Variants in ZRANB3 observed in about 807,000 individuals in gnomAD.
ZRANB3 encodes the protein DNA annealing helicase and endonuclease ZRANB3.
A neutral mutation model predicts 133.8 loss-of-function variants in ZRANB3; 125 were observed. The observed-to-expected ratio is 0.93, with a 90% CI of 0.81 to 1.08. ZRANB3 has a LOEUF of 1.08. Among genes scored for constraint, ZRANB3 ranks in the 50% least tolerant of loss-of-function variants. The pLI is 0.00. For synonymous variants in ZRANB3, 387 were observed against 432.7 expected, an observed-to-expected ratio of 0.89 and a Z score of 1.31; for missense variants, 1,229 against 1,275.5, an observed-to-expected ratio of 0.96 and a Z score of 0.56.
At chr2:135,432,088 T>A (rs1025036845) in intron 2 of ZRANB3, among the ~76,000 whole-genome samples, 1 of 151,966 alleles carries the variant, frequency 6.6e-6, no homozygotes, top group Admixed American at 6.6e-5. Flanking sequence ...CTGTCTCTGC[T>A]AAAAATACAA....
chr2:135,450,418 G>T (rs1425153469), intron 2 of ZRANB3, among the ~76,000 whole-genome samples: 1 of 151,770 alleles, frequency 6.6e-6, no homozygotes, highest in East Asian at 1.9e-4. Flanking sequence ...AAAATTTTAT[G>T]TTTCTATTAT....
At chr2:135,388,389 G>A (rs777664787) in intron 3 of ZRANB3, among the ~76,000 whole-genome samples, 80 of 152,070 alleles carry the variant, frequency 5.3e-4, no homozygotes, top group Non-Finnish European at 8.7e-4. Context: ...CTGAATCCAT[G>A]GTGAATTCCA....
chr2:135,370,033 C>CTTTTTTTTTT (rs548070677), intron 3 of ZRANB3, among the ~76,000 whole-genome samples: 1 of 119,356 alleles, frequency 8.4e-6, no homozygotes. Context: ...GGGCATGTTT[C>CTTTTTTTTTT]TTTTTTTTTT....
chr2:135,498,786 G>T (rs1482917818), intron 2 of ZRANB3, among the ~76,000 whole-genome samples: 1 of 152,144 alleles, frequency 6.6e-6, no homozygotes. Context: ...TACGGTTGTA[G>T]ATAAGGGATG....
chr2:135,207,577 T>C lies in ZRANB3; in HGVS notation c.2866A>G (p.Lys956Glu), dbSNP rs1321942154. The C allele has an allele frequency of 3.1e-6, 5 of 1,614,030 alleles. No homozygotes were observed. Among genetic ancestry groups the C allele is most frequent in the Non-Finnish European group, 4.2e-6 (5 of 1,179,884 alleles). Residue 956 changes from lysine to glutamate, a missense_variant, in exon 19 of 21, where the codon AAA becomes GAA. Transcript: ENST00000264159. ...IRSNNSYLRA[K>E]VFETEHGVCQ... Reference sequence around the variant, plus strand: ...ACACCATGTTCAGTTTCAAATACTTTGGCTCTCAGGTAACTGTTATTAGAT... The same window carrying C: ...ACACCATGTTCAGTTTCAAATACTTCGGCTCTCAGGTAACTGTTATTAGAT...
intron 8 of ZRANB3, among the ~76,000 whole-genome samples, chr2:135,291,516 G>A (rs958507067): frequency 4.6e-5 from 7 of 151,804 alleles, no homozygotes; most frequent in Non-Finnish European, 1.0e-4. Context: ...GTTGTTTAAC[G>A]TAATCCCCAA....
intron 6 of ZRANB3, among the ~76,000 whole-genome samples, chr2:135,331,706 G>T (rs1022499149): frequency 2.6e-5 from 4 of 152,060 alleles, no homozygotes; most frequent in African/African-American, 9.7e-5. Context: ...AGCTCTCTAA[G>T]GACTTGCTTT....
chr2:135,380,967 C>A (rs575637902), intron 3 of ZRANB3, among the ~76,000 whole-genome samples: 1 of 152,252 alleles, frequency 6.6e-6, no homozygotes, highest in South Asian at 2.1e-4. Context: ...AACTGAGGTA[C>A]TGGGTTCATC....
intron 6 of ZRANB3, among the ~76,000 whole-genome samples, chr2:135,315,737 T>C (rs1683218471): frequency 6.6e-6 from 1 of 152,244 alleles, no homozygotes; most frequent in African/African-American, 2.4e-5. Context: ...AAGATGTTAG[T>C]GTCTAAGCAT....
chr2:135,207,523 C>G lies in ZRANB3; in HGVS notation c.2920G>C (p.Glu974Gln). The G allele has an allele frequency of 6.2e-7, 1 of 1,614,000 alleles. No homozygotes were observed. The highest frequency in any genetic ancestry group is 8.5e-7 in the Non-Finnish European group (1 of 1,179,890). The change falls in exon 19 of 21, where the codon GAA becomes CAA. Residue 974 changes from glutamate (E) to glutamine (Q), a missense_variant. Coordinates refer to ENST00000264159, the MANE Select transcript of ZRANB3 (RefSeq NM_032143.4). ...GCATCTCTCAGACGTAAAAAGAGTT[C>G]TTGTGCGTTCACATTACAGAGCTGA... Reference protein sequence around the residue: ...VCQLCNVNAQELFLRLRDAPK... With the variant: ...VCQLCNVNAQQLFLRLRDAPK...
chr2:135,373,949 G>A (rs1204527837), intron 3 of ZRANB3, among the ~76,000 whole-genome samples: 1 of 152,056 alleles, frequency 6.6e-6, no homozygotes, highest in Non-Finnish European at 1.5e-5. Flanking sequence ...AATGGCAAAA[G>A]TATTATTATT....
chr2:135,412,165 T>C (rs890388009), intron 2 of ZRANB3, among the ~76,000 whole-genome samples: 1 of 152,144 alleles, frequency 6.6e-6, no homozygotes. Flanking sequence ...GTCCACAATA[T>C]AGAGACTATA....
At chr2:135,426,050 C>T (rs1382671133) in intron 2 of ZRANB3, among the ~76,000 whole-genome samples, 1 of 151,950 alleles carries the variant, frequency 6.6e-6, no homozygotes. Context: ...CCCTCAGAGA[C>T]TATTACTGAC....
At chr2:135,499,415 C>T (rs1471485109) in intron 2 of ZRANB3, among the ~76,000 whole-genome samples, 1 of 152,112 alleles carries the variant, frequency 6.6e-6, no homozygotes, top group African/African-American at 2.4e-5. Context: ...CAAAACACAA[C>T]CTGAGAAAAT....
intron 13 of ZRANB3, among the ~76,000 whole-genome samples, chr2:135,229,413 C>A (rs867111218): frequency 6.7e-6 from 1 of 150,098 alleles, no homozygotes; most frequent in African/African-American, 2.5e-5. Flanking sequence ...TGTTGCCCAG[C>A]CTGGAGTGCA....
At chr2:135,332,858 TG>T (rs1330384160) in intron 6 of ZRANB3, among the ~76,000 whole-genome samples, 3 of 152,228 alleles carry the variant, frequency 2.0e-5, no homozygotes, top group African/African-American at 7.2e-5. Context: ...TCAGCCCTGT[TG>T]ATTTCTGAGT....
chr2:135,208,644 T>C (rs550793922), intron 18 of ZRANB3, among the ~76,000 whole-genome samples: 1 of 152,222 alleles, frequency 6.6e-6, no homozygotes, highest in Non-Finnish European at 1.5e-5. Context: ...GCAGGTTACT[T>C]AGTCCACCTG....
At chr2:135,369,101 A>C (rs1010889150) in intron 3 of ZRANB3, among the ~76,000 whole-genome samples, 1 of 152,066 alleles carries the variant, frequency 6.6e-6, no homozygotes, top group African/African-American at 2.4e-5. Context: ...AAAGGGCCTA[A>C]CTTGTCTCAG....
At chr2:135,466,853 T>A (rs1217297899) in intron 2 of ZRANB3, among the ~76,000 whole-genome samples, 1 of 152,054 alleles carries the variant, frequency 6.6e-6, no homozygotes, top group Admixed American at 6.6e-5. Flanking sequence ...AATTTTTGTA[T>A]TTTTTGTAGA....
Sources: allele counts gnomAD v4.1 joint callset (sites outside exome capture counted in the v4.1 genomes callset), GRCh38; gene constraint gnomAD v4.1.1; transcripts MANE v1.5; gene names NCBI Gene and HGNC (gene_info 2026-07-23, HGNC 2026-07-21).